The following NRG3 variants were observed in gnomAD, a reference collection of about 807,000 sequenced individuals.
NRG3 encodes the protein pro-neuregulin-3, membrane-bound isoform.
A neutral mutation model predicts 66.9 loss-of-function variants in NRG3; 31 were observed. The observed-to-expected ratio is 0.46, with a 90% CI of 0.35 to 0.63. The LOEUF (loss-of-function observed/expected upper bound fraction) is 0.63. Ranked by LOEUF, NRG3 falls within the 20% of genes least tolerant of loss-of-function variation. NRG3 has a pLI of 0.00. For synonymous variants in NRG3, 393 were observed against 359.4 expected (o/e 1.09, Z -1.06); for missense variants, 910 against 878.9 (o/e 1.04, Z -0.45).
intron 2 of NRG3, among the ~76,000 whole-genome samples, chr10:82,574,207 A>T (rs2045906908): frequency 6.6e-6 from 1 of 151,620 alleles, no homozygotes; most frequent in Admixed American, 6.6e-5. Context: ...TCAGCCGTTT[A>T]AAAAAAATGA....
intron 2 of NRG3, among the ~76,000 whole-genome samples, chr10:82,616,780 C>G (rs2048680586): frequency 1.3e-5 from 2 of 152,112 alleles, no homozygotes. Context: ...CTTTCTGTTT[C>G]CATCAATACC....
At chr10:82,883,943 T>G (rs1195958791) in intron 4 of NRG3, among the ~76,000 whole-genome samples, 2 of 133,310 alleles carry the variant, frequency 1.5e-5, no homozygotes, top group African/African-American at 5.7e-5. Flanking sequence ...TTTGCTATAG[T>G]TTTTTTTTTT....
chr10:82,191,905 C>T (rs1241204962), intron 1 of NRG3, among the ~76,000 whole-genome samples: 1 of 152,170 alleles, frequency 6.6e-6, no homozygotes. Flanking sequence ...TCCTAGCTGC[C>T]TCTGGCCCTG....
intron 1 of NRG3, among the ~76,000 whole-genome samples, chr10:82,101,102 A>G (rs2066699495): frequency 1.3e-5 from 2 of 151,910 alleles, no homozygotes; most frequent in South Asian, 2.1e-4. Context: ...CATTTCCTCT[A>G]TAGACACAGA....
intron 1 of NRG3, among the ~76,000 whole-genome samples, chr10:81,932,387 T>C (rs1483481425): frequency 1.3e-5 from 2 of 152,104 alleles, no homozygotes; most frequent in African/African-American, 2.4e-5. Context: ...CCCCCCAGCA[T>C]TGGGGATTTC....
intron 3 of NRG3, among the ~76,000 whole-genome samples, chr10:82,739,067 C>T (rs1354994751): frequency 6.6e-6 from 1 of 152,190 alleles, no homozygotes; most frequent in Non-Finnish European, 1.5e-5. Flanking sequence ...TAAACCATAC[C>T]TTACTAAAGT....
intron 2 of NRG3, among the ~76,000 whole-genome samples, chr10:82,692,697 G>A (rs1258852545): frequency 2.0e-5 from 3 of 152,332 alleles, no homozygotes; most frequent in South Asian, 4.1e-4. Context: ...TCCATTGTGG[G>A]CATGCCCAGG....
chr10:81,878,091 C>G, intron 1 of NRG3: 1 of 1,530,076 alleles, frequency 6.5e-7, no homozygotes, highest in Non-Finnish European at 8.7e-7. Context: ...AAAGAAAAGC[C>G]CAAGGTAATT....
rs112954492 is a variant in NRG3 at position 82,760,133 on chromosome 10, T to C, written c.1027+21483T>C. Among the ~76,000 whole-genome samples the C allele has an allele frequency of 7.1e-3, 1,075 of 152,218 alleles. 10 individuals carry two copies. The highest frequency in any genetic ancestry group is 0.024 in the African/African-American group (998 of 41,544). The stretch of plus-strand genomic sequence containing the variant: ...TGTGGCTTGGAGGTTTAATTTACTC[T>C]CAGCATGTAGCATGGGAACCTTTTT... On this transcript the variant is annotated intron_variant, in intron 3 of 8. Coordinates refer to ENST00000372141, the MANE Select transcript of NRG3 (RefSeq NM_001010848.4).
At chr10:82,080,620 A>G (rs971453411) in intron 1 of NRG3, among the ~76,000 whole-genome samples, 8 of 152,160 alleles carry the variant, frequency 5.3e-5, no homozygotes, top group Admixed American at 3.9e-4. Context: ...CTAAGTTTCA[A>G]AGGAAGCTAC....
At chr10:82,606,353 A>G (rs181614781) in intron 2 of NRG3, among the ~76,000 whole-genome samples, 133 of 152,216 alleles carry the variant, frequency 8.7e-4, no homozygotes, top group African/African-American at 3.0e-3. Flanking sequence ...CTGATTTTCA[A>G]TTTAATTTCA....
intron 4 of NRG3, among the ~76,000 whole-genome samples, chr10:82,939,787 T>C (rs1280821747): frequency 6.6e-6 from 1 of 151,546 alleles, no homozygotes; most frequent in Admixed American, 6.6e-5. Flanking sequence ...TTTTTTTAAG[T>C]GTAGTATTAT....
At chr10:82,817,833 A>G (rs1423854660) in intron 3 of NRG3, among the ~76,000 whole-genome samples, 1 of 152,214 alleles carries the variant, frequency 6.6e-6, no homozygotes, top group Non-Finnish European at 1.5e-5. Context: ...TGCACAGAAT[A>G]ATGTGGCTGA....
At chr10:82,325,492 G>T (rs2081822270) in intron 1 of NRG3, among the ~76,000 whole-genome samples, 1 of 151,996 alleles carries the variant, frequency 6.6e-6, no homozygotes, top group Admixed American at 6.6e-5. Context: ...TTTCTTTTGG[G>T]TATTGTTTGT....
chr10:82,460,623 T>C (rs1282470757), intron 2 of NRG3, among the ~76,000 whole-genome samples: 1 of 152,218 alleles, frequency 6.6e-6, no homozygotes, highest in Non-Finnish European at 1.5e-5. Context: ...GCTTTCTGGC[T>C]TCTCTTCTTA....
chr10:82,721,638 G>C, intron 2 of NRG3, among the ~76,000 whole-genome samples: 1 of 149,436 alleles, frequency 6.7e-6, no homozygotes, highest in South Asian at 2.1e-4. Context: ...GGTCAGGCTC[G>C]TCTGGAACTC....
intron 1 of NRG3, among the ~76,000 whole-genome samples, chr10:82,245,977 G>GT (rs1564705646): frequency 3.0e-5 from 3 of 100,264 alleles, no homozygotes; most frequent in African/African-American, 4.7e-5. Flanking sequence ...CCAGTCTTCT[G>GT]GTTTTTTTTT....
At chr10:81,905,792 A>T (rs1265321206) in intron 1 of NRG3, among the ~76,000 whole-genome samples, 1 of 152,342 alleles carries the variant, frequency 6.6e-6, no homozygotes, top group East Asian at 1.9e-4. Context: ...CATTCTGTGC[A>T]TGCATTCTAT....
At chr10:82,544,752 C>T (rs923197216) in intron 2 of NRG3, among the ~76,000 whole-genome samples, 1 of 152,122 alleles carries the variant, frequency 6.6e-6, no homozygotes, top group Non-Finnish European at 1.5e-5. Flanking sequence ...ATTTACTACC[C>T]ACAGATAGCT....
Sources: allele counts gnomAD v4.1 joint callset (sites outside exome capture counted in the v4.1 genomes callset), GRCh38; gene constraint gnomAD v4.1.1; transcripts MANE v1.5; gene names NCBI Gene and HGNC (gene_info 2026-07-23, HGNC 2026-07-21).